Variants in ENOX1 observed in about 807,000 individuals in gnomAD.
The protein encoded by ENOX1 is candidate growth-related and time keeping constitutive hydroquinone (NADH) oxidase.
In ENOX1, 42 loss-of-function variants were observed where a neutral mutation model predicts 82.5. The ratio of observed to expected loss-of-function variants is 0.51; its 90% confidence interval spans 0.40 to 0.66. The LOEUF (loss-of-function observed/expected upper bound fraction) is 0.66. Ranked by LOEUF, ENOX1 falls within the 30% of genes least tolerant of loss-of-function variation. The probability of loss-of-function intolerance (pLI) is 0.00; values close to 1 mark genes in which losing one functional copy is unlikely to be tolerated. For missense variants in ENOX1, 608 were observed against 811.6 expected (o/e 0.75, Z 3.05); for synonymous variants, 271 against 282.2 (o/e 0.96, Z 0.40).
chr13:43,782,133 G>GA (rs1037115988), intron 1 of ENOX1, among the ~76,000 whole-genome samples: 17 of 151,878 alleles, frequency 1.1e-4, no homozygotes, highest in African/African-American at 4.1e-4. Context: ...GTGACAAAAA[G>GA]AAAAAAATGT....
rs538188215 is a variant in ENOX1 at position 43,552,601 on chromosome 13, A to G, written c.-218-68449T>C. On this transcript the variant is annotated intron_variant, in intron 2 of 16. Transcript: ENST00000690772. ...CTCTGCAACTGTTCTTCCCCCTCTC[A>G]TTTGTTCTGAAATTGCTGCTGCCTA... is the stretch of plus-strand genomic sequence containing the variant. Among the ~76,000 whole-genome samples the G allele has an allele frequency of 2.0e-5, 3 of 152,036 alleles. No homozygotes were observed. The South Asian group carries it at 6.2e-4, about 32-fold the overall frequency.
intron 1 of ENOX1, among the ~76,000 whole-genome samples, chr13:43,770,186 T>C (rs1029048890): frequency 1.3e-5 from 2 of 152,224 alleles, no homozygotes; most frequent in African/African-American, 4.8e-5. Flanking sequence ...ACAAAACTCT[T>C]AGTTTCCAAT....
intron 2 of ENOX1, chr13:43,544,113 C>T (rs2078871125): frequency 6.6e-6 from 1 of 151,912 alleles, no homozygotes; most frequent in East Asian, 1.9e-4. Context: ...AAACTGACCT[C>T]AAGTGATCTG....
intron 16 of ENOX1, 65 bp downstream of exon 16, chr13:43,223,988 C>T: frequency 1.6e-6 from 2 of 1,228,454 alleles, no homozygotes; most frequent in Non-Finnish European, 2.4e-6. Flanking sequence ...GCAGAGTCCA[C>T]CTGCAGGCAG....
chr13:43,734,871 T>C (rs922534143), intron 1 of ENOX1, among the ~76,000 whole-genome samples: 1 of 152,176 alleles, frequency 6.6e-6, no homozygotes, highest in Non-Finnish European at 1.5e-5. Context: ...GAGAACTTGT[T>C]GTTAGCTAGT....
intron 2 of ENOX1, among the ~76,000 whole-genome samples, chr13:43,582,184 C>T (rs891826177): frequency 2.6e-4 from 39 of 151,972 alleles, no homozygotes; most frequent in African/African-American, 8.9e-4. Context: ...AAATTTTAAA[C>T]TTCCCTCATA....
At chr13:43,640,440 G>A (rs1252279516) in intron 2 of ENOX1, among the ~76,000 whole-genome samples, 2 of 152,092 alleles carry the variant, frequency 1.3e-5, no homozygotes, top group East Asian at 1.9e-4. Flanking sequence ...AATCCATGGT[G>A]TATCAGACAT....
At chr13:43,492,898 T>C (rs1388920495) in intron 2 of ENOX1, among the ~76,000 whole-genome samples, 2 of 152,216 alleles carry the variant, frequency 1.3e-5, no homozygotes, top group African/African-American at 4.8e-5. Context: ...ATTTAATTAG[T>C]AGACACTGAG....
chr13:43,774,913 G>A (rs1951829682), intron 1 of ENOX1, among the ~76,000 whole-genome samples: 1 of 152,042 alleles, frequency 6.6e-6, no homozygotes, highest in Admixed American at 6.6e-5. Context: ...GCAATGGCGT[G>A]ATCTCGGCTC....
intron 11 of ENOX1, among the ~76,000 whole-genome samples, chr13:43,316,372 T>TA (rs995695249): frequency 2.0e-5 from 3 of 152,176 alleles, no homozygotes; most frequent in African/African-American, 7.2e-5. Flanking sequence ...AGATTAATCT[T>TA]ACATAAAATA....
chr13:43,697,205 G>A (rs938886118), intron 1 of ENOX1, among the ~76,000 whole-genome samples: 1 of 152,162 alleles, frequency 6.6e-6, no homozygotes, highest in Non-Finnish European at 1.5e-5. Context: ...AAGCTATCAG[G>A]GGAACATATG....
At chr13:43,783,375 A>C (rs534716606) in intron 1 of ENOX1, among the ~76,000 whole-genome samples, 1 of 152,362 alleles carries the variant, frequency 6.6e-6, no homozygotes, top group Non-Finnish European at 1.5e-5. Flanking sequence ...GTTTTTATTA[A>C]GATAAAAATC....
chr13:43,678,342 T>C (rs2085616921), intron 1 of ENOX1, among the ~76,000 whole-genome samples: 1 of 152,224 alleles, frequency 6.6e-6, no homozygotes, highest in South Asian at 2.1e-4. Context: ...TTTTAAAAAC[T>C]ATCACATCCT....
chr13:43,666,713 G>C (rs1183963092), intron 2 of ENOX1, among the ~76,000 whole-genome samples: 1 of 152,136 alleles, frequency 6.6e-6, no homozygotes, highest in Non-Finnish European at 1.5e-5. Flanking sequence ...AGTCAGATGA[G>C]ACTAATACAG....
At chr13:43,377,796 C>T (rs990058108) in intron 5 of ENOX1, among the ~76,000 whole-genome samples, 1 of 152,124 alleles carries the variant, frequency 6.6e-6, no homozygotes, top group Non-Finnish European at 1.5e-5. Context: ...AGTTCTATTG[C>T]AAAGCTTTTT....
At chr13:43,381,970 A>C (rs565338314) in intron 5 of ENOX1, among the ~76,000 whole-genome samples, 2 of 152,204 alleles carry the variant, frequency 1.3e-5, no homozygotes, top group South Asian at 4.1e-4. Flanking sequence ...AATTCTACAC[A>C]AACTCTTCCA....
At chr13:43,500,863 C>T (rs984114777) in intron 2 of ENOX1, among the ~76,000 whole-genome samples, 1 of 151,684 alleles carries the variant, frequency 6.6e-6, no homozygotes, top group African/African-American at 2.4e-5. Context: ...GATATGTTAT[C>T]TTAAAATAGA....
chr13:43,783,446 G>A (rs1952392341), intron 1 of ENOX1, among the ~76,000 whole-genome samples: 1 of 152,060 alleles, frequency 6.6e-6, no homozygotes, highest in African/African-American at 2.4e-5. Flanking sequence ...GAGAAATGAG[G>A]GGGAAATGGT....
intron 2 of ENOX1, among the ~76,000 whole-genome samples, chr13:43,621,307 G>GA (rs1566653353): frequency 1.3e-5 from 2 of 151,842 alleles, no homozygotes; most frequent in Non-Finnish European, 2.9e-5. Flanking sequence ...GTTTCGTTTT[G>GA]TTTTTTTGCT....
Sources: allele counts gnomAD v4.1 joint callset (sites outside exome capture counted in the v4.1 genomes callset), GRCh38; gene constraint gnomAD v4.1.1; transcripts MANE v1.5; gene names NCBI Gene and HGNC (gene_info 2026-07-23, HGNC 2026-07-21).